Variants in SPTBN1 observed in about 807,000 individuals in gnomAD.
SPTBN1 encodes spectrin beta, non-erythrocytic 1.
SPTBN1 carries 32 observed loss-of-function variants against 266.4 expected under a neutral mutation model. That is an observed-to-expected ratio of 0.12 (90% CI 0.09 to 0.16). The LOEUF (loss-of-function observed/expected upper bound fraction) is 0.16, where lower values mean the gene tolerates loss of function less well. SPTBN1 is among the 10% of genes least tolerant of loss of function. The pLI, the probability that SPTBN1 is intolerant of heterozygous loss-of-function variation, is 1.00. For synonymous variants in SPTBN1, 1,336 were observed against 1,162.2 expected (o/e 1.15, Z -3.04); for missense variants, 2,296 against 3,067.1 (o/e 0.75, Z 5.94).
rs370931469 is a variant in SPTBN1, at chr2:54,618,407, C to T, written c.763+214C>T. On this transcript the variant is annotated intron_variant, in intron 7 of 35. Coordinates refer to ENST00000356805, the MANE Select transcript of SPTBN1 (RefSeq NM_003128.3). ...GATTTAAACAGAGTCTGAAGGAGAG[C>T]GTGTGCGGGCAGAGCTACTAGCATG... is the stretch of plus-strand genomic sequence containing the variant. Among the ~76,000 whole-genome samples the T allele has an allele frequency of 1.2e-3, 187 of 152,286 alleles. 6 individuals carry two copies. The South Asian group carries it at 0.037, about 30-fold the overall frequency.
Position 54,558,994 on chromosome 2 carries a change from G to A in SPTBN1, c.148+32428G>A. 6 of 1,348,436 alleles carry A rather than the reference G, an allele frequency of 4.4e-6. No homozygotes were observed. The highest frequency in any genetic ancestry group is 6.0e-6 in the Non-Finnish European group (6 of 999,738). 83.5% of individuals were successfully genotyped at this position (1,348,436 alleles called of 1,614,324 possible). A position where few individuals can be genotyped will look rare whatever the true frequency, so the allele number is the denominator to read the frequency against. ...CGGGCGGCTTCACAGCTCGGCCCCA[G>A]ACCCTGTGGTTGGCTGCGGGCACCC... On this transcript the variant is annotated intron_variant, in intron 2 of 35. Transcript: ENST00000356805. The surrounding 1 kb of genome is among the most constrained non-coding windows in gnomAD (Gnocchi z 4.6).
chr2:54,534,083 C>T (rs1371463888), intron 2 of SPTBN1, among the ~76,000 whole-genome samples: 1 of 152,172 alleles, frequency 6.6e-6, no homozygotes, highest in Non-Finnish European at 1.5e-5. Context: ...GGCTAGGCTG[C>T]AGGTCTCTGA....
chr2:54,638,964 T>C (rs1679346508), intron 18 of SPTBN1, among the ~76,000 whole-genome samples: 1 of 152,248 alleles, frequency 6.6e-6, no homozygotes, highest in Non-Finnish European at 1.5e-5. Context: ...CTGTAAATCT[T>C]GTAATATGCT....
intron 2 of SPTBN1, among the ~76,000 whole-genome samples, chr2:54,578,467 T>TGCC (rs1226150836): frequency 1.3e-5 from 2 of 152,224 alleles, no homozygotes; most frequent in African/African-American, 2.4e-5. Context: ...CTGCTGCTGC[T>TGCC]GCTGCTGCTG....
In SPTBN1 at chr2:54,645,132, C is replaced by G; in HGVS notation, c.4270-97C>G. On this transcript the variant is annotated intron_variant, in intron 20 of 35. Transcript: ENST00000356805. The surrounding 1 kb of genome is among the most constrained non-coding windows in gnomAD (Gnocchi z 4.3). ...TGAGTGGCTCCCATGGCTGGCTTTG[C>G]GGTGTGGCCAAGTCCCAGGCCCAGC... 1 of 1,286,134 alleles carries G rather than the reference C, an allele frequency of 7.8e-7. No homozygotes were observed. The highest frequency in any genetic ancestry group is 1.1e-6 in the Non-Finnish European group (1 of 914,152). 79.7% of individuals were successfully genotyped at this position (1,286,134 alleles called of 1,614,324 possible). A position where few individuals can be genotyped will look rare whatever the true frequency, so the allele number is the denominator to read the frequency against.
chr2:54,642,049 C>T (rs1435087343), intron 18 of SPTBN1, among the ~76,000 whole-genome samples: 1 of 152,224 alleles, frequency 6.6e-6, no homozygotes, highest in African/African-American at 2.4e-5. Flanking sequence ...CAGGCTGGCT[C>T]TGCATTCTTT....
chr2:54,487,967 C>CTA (rs1668497816), intron 1 of SPTBN1, among the ~76,000 whole-genome samples: 1 of 151,346 alleles, frequency 6.6e-6, no homozygotes, highest in African/African-American at 2.4e-5. Context: ...GTAGCTGGGA[C>CTA]TATAGGCGCC....
intron 1 of SPTBN1, among the ~76,000 whole-genome samples, chr2:54,481,527 A>G (rs952506034): frequency 1.3e-5 from 2 of 152,130 alleles, no homozygotes; most frequent in African/African-American, 4.8e-5. Flanking sequence ...AAGCTTCACC[A>G]GATTAATGAT....
intron 1 of SPTBN1, among the ~76,000 whole-genome samples, chr2:54,524,088 A>G (rs1573332629): frequency 6.6e-6 from 1 of 152,164 alleles, no homozygotes. Context: ...AGTCCCAGCT[A>G]CTCGGGAGGC....
intron 2 of SPTBN1, among the ~76,000 whole-genome samples, chr2:54,574,014 C>G (rs1338284560): frequency 1.3e-5 from 2 of 152,062 alleles, no homozygotes; most frequent in Non-Finnish European, 2.9e-5. Flanking sequence ...AAAATACAAA[C>G]TCATAATTAA....
chr2:54,476,301 T>G (rs1383134400), intron 1 of SPTBN1, among the ~76,000 whole-genome samples: 1 of 152,214 alleles, frequency 6.6e-6, no homozygotes, highest in Non-Finnish European at 1.5e-5. Context: ...TCCTCCCATG[T>G]AGCCACAAAA....
chr2:54,498,475 G>A (rs895988849), intron 1 of SPTBN1, among the ~76,000 whole-genome samples: 60 of 152,072 alleles, frequency 3.9e-4, no homozygotes, highest in Admixed American at 3.8e-3. Context: ...CATTCCCTGA[G>A]CGCTTTATGC....
At position 54,606,724 on chromosome 2, in the gene SPTBN1, G is replaced by T. The variant is rs114803374; in HGVS notation, c.301-5437G>T. Among the ~76,000 whole-genome samples, 400 of 152,342 alleles carry T rather than the reference G, an allele frequency of 2.6e-3. 3 individuals carry two copies. Among genetic ancestry groups the T allele is most frequent in the African/African-American group, 9.0e-3 (374 of 41,578 alleles). ...ACACATGAGAGCCATATGCAGTTCT[G>T]TGACTGCTGGCGGGGAGAGCTGCTC... On this transcript the variant is annotated intron_variant, in intron 3 of 35. Transcript: ENST00000356805.
intron 1 of SPTBN1, among the ~76,000 whole-genome samples, chr2:54,475,526 C>T (rs1359453611): frequency 6.6e-6 from 1 of 152,096 alleles, no homozygotes; most frequent in African/African-American, 2.4e-5. Context: ...GAGGAATGGC[C>T]TGTGTCCAGA....
chr2:54,632,221 C>T (rs777554824), intron 16 of SPTBN1, among the ~76,000 whole-genome samples: 1 of 151,758 alleles, frequency 6.6e-6, no homozygotes, highest in African/African-American at 2.4e-5. Context: ...GGATAGTCAC[C>T]AACTTCAGGG....
At position 54,619,425 on chromosome 2, in the gene SPTBN1, C is replaced by T. The variant is rs993350659; in HGVS notation, c.763+1232C>T. On this transcript the variant is annotated intron_variant, in intron 7 of 35. Transcript: ENST00000356805. Reference sequence around the variant, plus strand: ...TGATAAAGAACCTTTTTTTCCCTATCGCAGTGACAACATTTTTTAATAACT... The same window carrying T: ...TGATAAAGAACCTTTTTTTCCCTATTGCAGTGACAACATTTTTTAATAACT... Among the ~76,000 whole-genome samples, 9 of 152,220 alleles carry T rather than the reference C, an allele frequency of 5.9e-5. No individual in the cohort carries two copies. The East Asian group carries it at 9.7e-4, about 16-fold the overall frequency.
intron 2 of SPTBN1, among the ~76,000 whole-genome samples, chr2:54,546,856 G>A (rs1317204894): frequency 6.6e-6 from 1 of 151,872 alleles, no homozygotes; most frequent in Non-Finnish European, 1.5e-5. Flanking sequence ...CATCATAGGT[G>A]GGGAACATGT....
At position 54,669,214 on chromosome 2, in the gene SPTBN1, ACT is replaced by A. The variant is rs1268136010; in HGVS notation, c.*646_*647del. 1.4e-5 allele frequency: 2 copies of A among 147,324 alleles called. No individual in the cohort carries two copies. The highest frequency in any genetic ancestry group is 3.0e-5 in the Non-Finnish European group (2 of 67,500). The allele number at this position is 147,324 out of a possible 1,614,324, so 9.1% of individuals were successfully genotyped here. On this transcript the variant is annotated 3_prime_UTR_variant, in exon 36 of 36. Coordinates refer to ENST00000356805, the MANE Select transcript of SPTBN1 (RefSeq NM_003128.3). ...ATACAAGAAGGAATAGAAAACTGAT[ACT>A]GTTTTAAATAATCTGTAATTTCAAT...
At chr2:54,463,937 T>C (rs1173641853) in intron 1 of SPTBN1, among the ~76,000 whole-genome samples, 1 of 152,174 alleles carries the variant, frequency 6.6e-6, no homozygotes, top group Non-Finnish European at 1.5e-5. Context: ...AGATAGTTTA[T>C]AAAAGAAGAA....
Sources: allele counts gnomAD v4.1 joint callset (sites outside exome capture counted in the v4.1 genomes callset), GRCh38; gene constraint gnomAD v4.1.1; non-coding constraint Gnocchi (gnomAD v3.1); transcripts MANE v1.5; gene names NCBI Gene and HGNC (gene_info 2026-07-23, HGNC 2026-07-21).